DIP2B: variants seen among roughly 807,000 people sequenced by gnomAD.
DIP2B encodes the protein disco-interacting protein 2 homolog B.
A neutral mutation model predicts 198.0 loss-of-function variants in DIP2B; 76 were observed. That is an observed-to-expected ratio of 0.38 (90% CI 0.32 to 0.46). The LOEUF is 0.46. Ranked by LOEUF, DIP2B falls within the 20% of genes least tolerant of loss-of-function variation. The pLI is 0.99. For synonymous variants in DIP2B, 701 were observed against 739.1 expected (o/e 0.95, Z 0.84); for missense variants, 1,559 against 1,978.4 (o/e 0.79, Z 4.02).
intron 1 of DIP2B, among the ~76,000 whole-genome samples, chr12:50,572,003 A>C (rs540688113): frequency 6.6e-6 from 1 of 152,344 alleles, no homozygotes; most frequent in Non-Finnish European, 1.5e-5. Flanking sequence ...CAGCTGTGTG[A>C]CAGCATTGCC....
chr12:50,516,703 G>A (rs545233440), intron 1 of DIP2B, among the ~76,000 whole-genome samples: 1 of 152,162 alleles, frequency 6.6e-6, no homozygotes, highest in Non-Finnish European at 1.5e-5. Context: ...GGCCGGACAC[G>A]GTGGCTCATG....
intron 30 of DIP2B, among the ~76,000 whole-genome samples, chr12:50,730,151 C>T (rs541627973): frequency 7.2e-5 from 11 of 152,272 alleles, no homozygotes; most frequent in South Asian, 4.1e-4. Context: ...ATCCCTACTC[C>T]GTATGTCCAT....
intron 1 of DIP2B, among the ~76,000 whole-genome samples, chr12:50,543,556 T>G (rs1958346337): frequency 6.6e-6 from 1 of 151,442 alleles, no homozygotes; most frequent in African/African-American, 2.4e-5. Context: ...CCCAAAGTGC[T>G]GGGATTACAA....
At chr12:50,523,763 C>T (rs765503851) in intron 1 of DIP2B, among the ~76,000 whole-genome samples, 2 of 152,166 alleles carry the variant, frequency 1.3e-5, no homozygotes, top group African/African-American at 4.8e-5. Flanking sequence ...AAAACAATTA[C>T]GTGTGAAAAC....
chr12:50,525,128 C>T (rs982031287), intron 1 of DIP2B, among the ~76,000 whole-genome samples: 9 of 152,142 alleles, frequency 5.9e-5, no homozygotes, highest in South Asian at 4.2e-4. Flanking sequence ...GAGGCCGAGG[C>T]GGGCAGATCA....
chr12:50,666,747 C>T (rs1220405606), intron 4 of DIP2B, among the ~76,000 whole-genome samples: 1 of 152,056 alleles, frequency 6.6e-6, no homozygotes, highest in Admixed American at 6.5e-5. Context: ...TGAGGCCGGG[C>T]GTGGTGGCTC....
intron 1 of DIP2B, among the ~76,000 whole-genome samples, chr12:50,617,843 A>C (rs1413064944): frequency 6.6e-6 from 1 of 152,200 alleles, no homozygotes; most frequent in African/African-American, 2.4e-5. Context: ...TAAAAGAGAC[A>C]GTTCAGCCAG....
intron 1 of DIP2B, among the ~76,000 whole-genome samples, chr12:50,609,072 G>A (rs1424964967): frequency 2.0e-5 from 3 of 152,154 alleles, no homozygotes; most frequent in Admixed American, 2.0e-4. Flanking sequence ...GGCAGAGGTT[G>A]CAGTGAGCCG....
intron 1 of DIP2B, among the ~76,000 whole-genome samples, chr12:50,528,123 C>T (rs1351150447): frequency 2.0e-5 from 3 of 151,930 alleles, no homozygotes; most frequent in Admixed American, 2.0e-4. Context: ...GATGGACTTT[C>T]ACCATGTTGT....
At chr12:50,617,444 C>T (rs769651261) in intron 1 of DIP2B, among the ~76,000 whole-genome samples, 4 of 151,882 alleles carry the variant, frequency 2.6e-5, no homozygotes, top group Non-Finnish European at 4.4e-5. Flanking sequence ...CGTGAGCCAC[C>T]GCACCCGGCC....
chr12:50,515,530 ACACTG>A, intron 1 of DIP2B, among the ~76,000 whole-genome samples: 2 of 152,110 alleles, frequency 1.3e-5, no homozygotes, highest in Admixed American at 6.5e-5. Context: ...GCCCAGCCCT[ACACTG>A]TGGACTGGTA....
At chr12:50,676,243 A>G (rs1004389987) in intron 7 of DIP2B, among the ~76,000 whole-genome samples, 1 of 152,214 alleles carries the variant, frequency 6.6e-6, no homozygotes, top group African/African-American at 2.4e-5. Flanking sequence ...TCTACCTAAG[A>G]AAAGCTTTTG....
intron 1 of DIP2B, among the ~76,000 whole-genome samples, chr12:50,621,185 G>C (rs989941889): frequency 1.3e-5 from 2 of 152,248 alleles, no homozygotes; most frequent in Admixed American, 1.3e-4. Flanking sequence ...CCACAGAAAT[G>C]TGAAATAACA....
intron 1 of DIP2B, among the ~76,000 whole-genome samples, chr12:50,621,964 G>A (rs530697927): frequency 6.6e-6 from 1 of 152,264 alleles, no homozygotes; most frequent in Non-Finnish European, 1.5e-5. Flanking sequence ...TTAATATCCA[G>A]GATGCCAAAT....
At chr12:50,740,381 C>T (rs1381614276) in intron 36 of DIP2B, among the ~76,000 whole-genome samples, 4 of 152,182 alleles carry the variant, frequency 2.6e-5, no homozygotes, top group East Asian at 3.8e-4. Flanking sequence ...GCTGGGTGAC[C>T]TTGAGCAATC....
At chr12:50,615,258 C>T (rs748203157) in intron 1 of DIP2B, among the ~76,000 whole-genome samples, 1 of 152,124 alleles carries the variant, frequency 6.6e-6, no homozygotes, top group Non-Finnish European at 1.5e-5. Context: ...CCCCCTCCCC[C>T]GCCATTTCTT....
intron 4 of DIP2B, among the ~76,000 whole-genome samples, chr12:50,663,084 G>A (rs1938681124): frequency 6.6e-6 from 1 of 152,000 alleles, no homozygotes; most frequent in Non-Finnish European, 1.5e-5. Flanking sequence ...GTCCAGCCTG[G>A]GTGACAGAGC....
At chr12:50,664,952 A>G (rs1165543877) in intron 4 of DIP2B, among the ~76,000 whole-genome samples, 1 of 146,356 alleles carries the variant, frequency 6.8e-6, no homozygotes, top group African/African-American at 2.6e-5. Flanking sequence ...AGGGTCAAGC[A>G]GTCCTCCCAC....
intron 1 of DIP2B, among the ~76,000 whole-genome samples, chr12:50,525,693 T>C (rs961341533): frequency 6.6e-6 from 1 of 152,024 alleles, no homozygotes; most frequent in Non-Finnish European, 1.5e-5. Context: ...TTTTATATTT[T>C]GTAGCTACAG....
Sources: gnomAD v4.1 joint callset for allele counts (sites outside exome capture counted in the v4.1 genomes callset) on GRCh38, gnomAD v4.1.1 for gene constraint, MANE v1.5 for transcripts, NCBI Gene and HGNC (gene_info 2026-07-23, HGNC 2026-07-21) for gene names.